WDR36: variants seen among roughly 807,000 people sequenced by gnomAD.
WDR36 encodes WD repeat domain 36, also known as WD repeat-containing protein 36.
In WDR36, 63 loss-of-function variants were observed where a neutral mutation model predicts 112.7. The observed-to-expected ratio is 0.56, with a 90% confidence interval of 0.46 to 0.69. WDR36 has a LOEUF of 0.69. Ranked by LOEUF, WDR36 falls within the 30% of genes least tolerant of loss-of-function variation. The probability of loss-of-function intolerance (pLI) is 0.00; values close to 1 mark genes in which losing one functional copy is unlikely to be tolerated. For missense variants in WDR36, 1,226 were observed against 1,070.3 expected (o/e 1.15, Z -2.03); for synonymous variants, 410 against 362.2 (o/e 1.13, Z -1.50).
intron 11 of WDR36, among the ~76,000 whole-genome samples, chr5:111,106,432 A>G (rs1753223127): frequency 6.6e-6 from 1 of 151,482 alleles, no homozygotes; most frequent in African/African-American, 2.4e-5. Context: ...GAAAGTCACT[A>G]ATGTAAAAAG....
rs192487360 is a variant in WDR36 at position 111,127,001 on chromosome 5, G to A, written c.*118G>A. The A allele has an allele frequency of 6.2e-6, 6 of 965,832 alleles. No homozygotes were observed. The African/African-American group carries it at 1.0e-4, about 16-fold the overall frequency. 59.8% of individuals were successfully genotyped at this position (965,832 alleles called of 1,614,324 possible). A position where few individuals can be genotyped will look rare whatever the true frequency, so the allele number is the denominator to read the frequency against. On this transcript the variant is annotated 3_prime_UTR_variant, in exon 23 of 23. Coordinates refer to ENST00000513710, the MANE Select transcript of WDR36 (RefSeq NM_139281.3). ...AAATGCTAGCACTACTGACTAGTCAGTATATCTCCACTTTAAATGCTAAAT... is the reference window on the plus strand; with the variant it reads ...AAATGCTAGCACTACTGACTAGTCAATATATCTCCACTTTAAATGCTAAAT...
intron 1 of WDR36, among the ~76,000 whole-genome samples, chr5:111,094,535 T>G (rs1287761020): frequency 6.6e-6 from 1 of 152,210 alleles, no homozygotes; most frequent in Non-Finnish European, 1.5e-5. Context: ...GAAAACTATG[T>G]GAAAATCAAA....
Position 111,126,802 on chromosome 5 carries a change from G to A in WDR36, c.2607G>A (p.Val869=). The part of the protein sequence containing the change: ...LEEITNLSSQ[V]EENWTHLQSL... ...AAATAACAAATTTGTCATCCCAGGT[G>A]GAAGAAAACTGGACCCATTTGCAAT... Residue 869 remains valine, a synonymous_variant, in exon 23 of 23, where the codon GTG becomes GTA. Transcript: ENST00000513710. 2 of 1,613,678 alleles carry A rather than the reference G, an allele frequency of 1.2e-6. No individual in the cohort carries two copies. Among genetic ancestry groups the A allele is most frequent in the Admixed American group, 3.3e-5 (2 of 59,980 alleles).
At chr5:111,113,052 A>ATATATATATATT (rs35527062) in intron 15 of WDR36, 22 bp from the exon 16 acceptor site, 4 of 472,684 alleles carry the variant, frequency 8.5e-6, no homozygotes, top group African/African-American at 5.2e-5. Flanking sequence ...ATATATATAT[A>ATATATATATATT]TTTTTTTTTT....
intron 4 of WDR36, among the ~76,000 whole-genome samples, chr5:111,100,033 C>T (rs909392037): frequency 1.3e-5 from 2 of 151,570 alleles, no homozygotes; most frequent in African/African-American, 4.8e-5. Flanking sequence ...ACTGGTGATG[C>T]CACCCCCCAC....
chr5:111,102,425 G>A (rs746816176), intron 6 of WDR36, 26 bp downstream of exon 6: 1 of 1,602,254 alleles, frequency 6.2e-7, no homozygotes, highest in South Asian at 1.1e-5. Flanking sequence ...TTAAGTCAAA[G>A]AGGAACAAAG....
At position 111,100,757 on chromosome 5, in the gene WDR36, C is replaced by T. The variant is rs371542944; in HGVS notation, c.542+36C>T. ...TAGTTAGAAAATAATATAGCTGTCA[C>T]CTTATCCTCATCTACTACTTCCTAA... On this transcript the variant is annotated intron_variant, in intron 5 of 22. Coordinates refer to ENST00000513710, the MANE Select transcript of WDR36 (RefSeq NM_139281.3). 6.5e-5 allele frequency: 103 copies of T among 1,586,734 alleles called. 3 individuals are homozygous for T. In the South Asian group the frequency reaches 1.1e-3, roughly 17 times the overall value.
chr5:111,096,431 A>G (rs935913892), intron 2 of WDR36, among the ~76,000 whole-genome samples: 1 of 152,124 alleles, frequency 6.6e-6, no homozygotes, highest in African/African-American at 2.4e-5. Context: ...TGGGTTAGGC[A>G]TGTGGCTCAC....
In WDR36 at chr5:111,125,639, A is replaced by G. The variant is rs1239017386; in HGVS notation, c.2382A>G (p.Ser794=). 1 of 1,613,568 alleles carries G rather than the reference A, an allele frequency of 6.2e-7. No homozygotes were observed. The highest frequency in any genetic ancestry group is 1.3e-5 in the African/African-American group (1 of 74,910). The part of the protein sequence containing the change: ...YDTALNLLKE[S]GPSGIETELR... The stretch of plus-strand genomic sequence containing the variant: ...CTGCTCTCAACCTTCTGAAAGAATC[A>G]GGCCCATCAGGAATTGAAACAGAGC... Residue 794 remains serine (S), a synonymous_variant, in exon 22 of 23, where the codon TCA becomes TCG. Coordinates refer to ENST00000513710, the MANE Select transcript of WDR36 (RefSeq NM_139281.3).
intron 6 of WDR36, 68 bp from the exon 7 acceptor site, chr5:111,103,718 G>C: frequency 6.3e-7 from 1 of 1,577,978 alleles, no homozygotes; most frequent in Non-Finnish European, 8.7e-7. Context: ...TAATAATGAT[G>C]CGTATCATCA....
intron 9 of WDR36, 131 bp downstream of exon 9, chr5:111,104,948 C>T: frequency 7.2e-7 from 1 of 1,387,064 alleles, no homozygotes; most frequent in Non-Finnish European, 1.0e-6. Context: ...CTGGGTAAAA[C>T]TAAGAGTCCT....
intron 4 of WDR36, 150 bp from the exon 5 acceptor site, chr5:111,100,439 G>T: frequency 2.2e-6 from 1 of 448,912 alleles, no homozygotes. Flanking sequence ...TATTTCTCAA[G>T]GAATGTTTAT....
intron 12 of WDR36, 69 bp from the exon 13 acceptor site, chr5:111,110,120 G>T (rs1753296711): frequency 9.5e-7 from 1 of 1,049,246 alleles, no homozygotes; most frequent in Admixed American, 1.7e-5. Context: ...ATAAAAAAAT[G>T]CTTTGGAAAG....
At chr5:111,093,331 C>G (rs1258223147) in intron 1 of WDR36, among the ~76,000 whole-genome samples, 1 of 152,208 alleles carries the variant, frequency 6.6e-6, no homozygotes, top group Non-Finnish European at 1.5e-5. Context: ...TCTGTGAGAA[C>G]AGAAACCTTG....
chr5:111,120,888 C>A, intron 18 of WDR36, 108 bp from the exon 19 acceptor site: 3 of 995,202 alleles, frequency 3.0e-6, no homozygotes, highest in Non-Finnish European at 4.6e-6. Context: ...GAACAGTCTA[C>A]AAGGCTGCAT....
chr5:111,107,269 A>G, intron 11 of WDR36, 25 bp from the exon 12 acceptor site: 1 of 1,603,250 alleles, frequency 6.2e-7, no homozygotes, highest in Non-Finnish European at 8.5e-7. Flanking sequence ...AAGTAATTTG[A>G]TTTATGATTT....
intron 3 of WDR36, 74 bp downstream of exon 3, chr5:111,097,253 T>A: frequency 4.6e-6 from 5 of 1,087,076 alleles, no homozygotes; most frequent in Non-Finnish European, 7.1e-6. Context: ...TTTAATTTTG[T>A]CATTCTTTAC....
chr5:111,114,802 A>G lies in WDR36; in HGVS notation c.1796+1649A>G, dbSNP rs1753422797. 2.0e-5 allele frequency among the ~76,000 whole-genome samples: 3 copies of G among 152,242 alleles called. No homozygotes were observed. In the South Asian group the frequency reaches 6.2e-4, roughly 32 times the overall value. On this transcript the variant is annotated intron_variant, in intron 16 of 22. Transcript: ENST00000513710. ...ATATAATTTGAATTGCTTTAAAATA[A>G]GAAAGTTGTATAAATAGTAGAGTTG...
intron 13 of WDR36, 54 bp downstream of exon 13, chr5:111,110,357 A>C: frequency 7.2e-7 from 1 of 1,389,478 alleles, no homozygotes; most frequent in Non-Finnish European, 1.0e-6. Context: ...CAAAACTAGT[A>C]GTGAAAGCTG....
Sources: allele counts gnomAD v4.1 joint callset (sites outside exome capture counted in the v4.1 genomes callset), GRCh38; gene constraint gnomAD v4.1.1; transcripts MANE v1.5; gene names NCBI Gene and HGNC (gene_info 2026-07-23, HGNC 2026-07-21).